Variants in CUL9 observed in about 807,000 individuals in gnomAD.
The protein encoded by CUL9 is cullin 9.
CUL9 carries 79 observed loss-of-function variants against 272.6 expected under a neutral mutation model. That is an observed-to-expected ratio of 0.29 (90% CI 0.24 to 0.35). The LOEUF is 0.35. Among genes scored for constraint, CUL9 ranks in the 10% least tolerant of loss-of-function variants. CUL9 has a pLI of 1.00. For synonymous variants in CUL9, 1,186 were observed against 1,286.5 expected (o/e 0.92, Z 1.67); for missense variants, 2,532 against 3,255.6 (o/e 0.78, Z 5.41).
chr6:43,185,662 TA>T, intron 3 of CUL9, 52 bp downstream of exon 3: 1 of 1,566,122 alleles, frequency 6.4e-7, no homozygotes, highest in South Asian at 1.1e-5. Flanking sequence ...AGACATTATT[TA>T]TGAAAACGTG....
At position 43,213,590 on chromosome 6, in the gene CUL9, G is replaced by A. The variant is rs201863339; in HGVS notation, c.5488+23G>A. The A allele has an allele frequency of 4.3e-6, 7 of 1,611,234 alleles. No individual in the cohort carries two copies. In the East Asian group the frequency reaches 8.9e-5, roughly 21 times the overall value. On this transcript the variant is annotated intron_variant, in intron 28 of 40. Coordinates refer to ENST00000252050, the MANE Select transcript of CUL9 (RefSeq NM_015089.4). The surrounding 1 kb of genome is among the most constrained non-coding windows in gnomAD (Gnocchi z 5.7). ...GGGGTAGGTCATTGGGGGCCGGGCTGAGCCTCTGCTGCTGGTCGGGGGGTC... is the reference window on the plus strand; with the variant it reads ...GGGGTAGGTCATTGGGGGCCGGGCTAAGCCTCTGCTGCTGGTCGGGGGGTC...
chr6:43,203,479 A>G lies in CUL9; in HGVS notation c.3912A>G (p.Pro1304=). The G allele has an allele frequency of 6.2e-7, 1 of 1,614,144 alleles. No homozygotes were observed. Among genetic ancestry groups the G allele is most frequent in the East Asian group, 2.2e-5 (1 of 44,884 alleles). The change falls in exon 19 of 41, where the codon CCA becomes CCG. Residue 1304 remains proline, a synonymous_variant. Transcript: ENST00000252050. This position sits in a 1 kb window ranked among gnomAD's most constrained non-coding sequence, Gnocchi z 5.0. ...EVLGPKPTFW[P]LFREQLCRRT... is the part of the protein sequence containing the mutation. ...TGGGCCCTAAGCCCACATTCTGGCC[A>G]CTGTTCCGGGAGCAGCTGTGTCGCC...
intron 7 of CUL9, 102 bp from the exon 8 acceptor site, chr6:43,188,421 A>G: frequency 1.7e-6 from 2 of 1,147,202 alleles, no homozygotes; most frequent in East Asian, 2.4e-5. Flanking sequence ...GTAGCCGATA[A>G]TGTGTTTAAA....
At chr6:43,193,281 G>A in intron 9 of CUL9, 73 bp downstream of exon 9, 1 of 1,374,202 alleles carries the variant, frequency 7.3e-7, no homozygotes, top group Non-Finnish European at 1.0e-6. Context: ...ATCTTGAGGG[G>A]GTACTTTGGT....
chr6:43,223,667 C>T lies in CUL9; in HGVS notation c.7284+270C>T, dbSNP rs548623836. On this transcript the variant is annotated intron_variant, in intron 39 of 40. Coordinates refer to ENST00000252050, the MANE Select transcript of CUL9 (RefSeq NM_015089.4). The surrounding 1 kb of genome is among the most constrained non-coding windows in gnomAD (Gnocchi z 4.1). ...TTTGGTCAGGTGCCTATCAGAATCACTTGGGGAACTTTTCCAGACTGTACT... is the reference window on the plus strand; with the variant it reads ...TTTGGTCAGGTGCCTATCAGAATCATTTGGGGAACTTTTCCAGACTGTACT... 355 of 543,508 alleles carry T rather than the reference C, an allele frequency of 6.5e-4. No homozygotes were observed. The highest frequency in any genetic ancestry group is 1.1e-3 in the Admixed American group (35 of 32,200). 33.7% of individuals were successfully genotyped at this position (543,508 alleles called of 1,614,324 possible). A position where few individuals can be genotyped will look rare whatever the true frequency, so the allele number is the denominator to read the frequency against.
At chr6:43,202,898 C>A in intron 17 of CUL9, 77 bp downstream of exon 17, 1 of 1,425,890 alleles carries the variant, frequency 7.0e-7, no homozygotes, top group Non-Finnish European at 9.9e-7. Context: ...AGGACCTAGT[C>A]CCTGGGGAAT....
chr6:43,199,206 G>C lies in CUL9; in HGVS notation c.3051-60G>C, dbSNP rs369979278. On this transcript the variant is annotated intron_variant, in intron 12 of 40. Coordinates refer to ENST00000252050, the MANE Select transcript of CUL9 (RefSeq NM_015089.4). The surrounding 1 kb of genome is among the most constrained non-coding windows in gnomAD (Gnocchi z 4.4). ...CCACTTCGGCCTCCCAAAGTGCTGGGATTACAGGCATGAGCCACTGTGCCT... is the reference window on the plus strand; with the variant it reads ...CCACTTCGGCCTCCCAAAGTGCTGGCATTACAGGCATGAGCCACTGTGCCT... 9.3e-6 allele frequency: 13 copies of C among 1,401,122 alleles called. No individual in the cohort carries two copies. The African/African-American group carries it at 1.8e-4, about 20-fold the overall frequency. The allele number at this position is 1,401,122 out of a possible 1,614,324, so 86.8% of individuals were successfully genotyped here. A position where few individuals can be genotyped will look rare whatever the true frequency, so the allele number is the denominator to read the frequency against.
In CUL9 at chr6:43,224,006, G is replaced by C; in HGVS notation, c.7285-89G>C. ...GGGGAGCAGTCCTAGCAGGAGCTTG[G>C]CCCTCCCAGAGCATCAGTGGAAGGA... On this transcript the variant is annotated intron_variant, in intron 39 of 40. Coordinates refer to ENST00000252050, the MANE Select transcript of CUL9 (RefSeq NM_015089.4). This position sits in a 1 kb window ranked among gnomAD's most constrained non-coding sequence, Gnocchi z 4.2. 1 of 1,271,838 alleles carries C rather than the reference G, an allele frequency of 7.9e-7. No individual in the cohort carries two copies. 78.8% of individuals were successfully genotyped at this position (1,271,838 alleles called of 1,614,324 possible). A position where few individuals can be genotyped will look rare whatever the true frequency, so the allele number is the denominator to read the frequency against.
At chr6:43,182,883 C>G (rs1177582899) in intron 1 of CUL9, among the ~76,000 whole-genome samples, 1 of 152,218 alleles carries the variant, frequency 6.6e-6, no homozygotes, top group Non-Finnish European at 1.5e-5. Context: ...TTATTCCACT[C>G]CCATTTATAA....
chr6:43,213,313 T>C lies in CUL9; in HGVS notation c.5358+19T>C. 6.2e-7 allele frequency: 1 copy of C among 1,613,288 alleles called. No individual in the cohort carries two copies. Among genetic ancestry groups the C allele is most frequent in the Non-Finnish European group, 8.5e-7 (1 of 1,179,422 alleles). On this transcript the variant is annotated intron_variant, in intron 27 of 40. Coordinates refer to ENST00000252050, the MANE Select transcript of CUL9 (RefSeq NM_015089.4). This position sits in a 1 kb window ranked among gnomAD's most constrained non-coding sequence, Gnocchi z 5.7. ...GACAGAGGTGCTTCAGCCCTTAGCC[T>C]CTCTCTGCCTTCTCTGCTACCTTAT...
rs370309721 is a variant in CUL9, at chr6:43,187,083, G to A, written c.1375G>A (p.Val459Met). 1.2e-6 allele frequency: 2 copies of A among 1,614,034 alleles called. No homozygotes were observed. Among genetic ancestry groups the A allele is most frequent in the Non-Finnish European group, 1.7e-6 (2 of 1,179,936 alleles). The change falls in exon 5 of 41, where the codon GTG becomes ATG. Residue 459 changes from valine (V) to methionine (M), a missense_variant. Val to Met is a conservative substitution (Grantham distance 21, BLOSUM62 1). Coordinates refer to ENST00000252050, the MANE Select transcript of CUL9 (RefSeq NM_015089.4). ...TGTGGAGAAGGGGGCAGGGGCTACT[G>A]TGTTGGGCACAGGTGAGCCTAAGAG... ...AAVEKGAGAT[V>M]LGTAFPSWDW... is the part of the protein sequence containing the mutation.
intron 8 of CUL9, among the ~76,000 whole-genome samples, chr6:43,192,127 T>C (rs1040600244): frequency 3.3e-4 from 49 of 148,038 alleles, no homozygotes; most frequent in Admixed American, 8.2e-4. Flanking sequence ...AGTGGCATGA[T>C]CACAGCTTGC....
chr6:43,183,737 CCT>C (rs915340192), intron 1 of CUL9, among the ~76,000 whole-genome samples: 21 of 145,034 alleles, frequency 1.4e-4, no homozygotes, highest in Admixed American at 3.4e-4. Context: ...TTCCTTCCTT[CCT>C]CTCTCTCTCT....
At chr6:43,211,422 G>A (rs1775472106) in intron 26 of CUL9, among the ~76,000 whole-genome samples, 2 of 152,164 alleles carry the variant, frequency 1.3e-5, no homozygotes, top group South Asian at 4.1e-4. Context: ...GCCAGGCCTG[G>A]TGGTGCACGC....
At position 43,205,431 on chromosome 6, in the gene CUL9, C is replaced by T. The variant is rs1774970680; in HGVS notation, c.4793+8C>T. 6.2e-7 allele frequency: 1 copy of T among 1,612,638 alleles called. No individual in the cohort carries two copies. Among genetic ancestry groups the T allele is most frequent in the Non-Finnish European group, 8.5e-7 (1 of 1,178,724 alleles). On this transcript the variant is annotated splice_region_variant and intron_variant, in intron 24 of 40. Coordinates refer to ENST00000252050, the MANE Select transcript of CUL9 (RefSeq NM_015089.4). ...TTTTGAGCACTTCTATCAGTGAGTG[C>T]AGGTCTGGAGGCATAGGGGATGGGA...
In CUL9 at chr6:43,187,064, G is replaced by C; in HGVS notation, c.1356G>C (p.Glu452Asp). ...AGGATAAGGCTTCAGCAGCTGTGGA[G>C]AAGGGGGCAGGGGCTACTGTGTTGG... ...ATEDKASAAV[E>D]KGAGATVLGT... is the part of the protein sequence containing the mutation. Residue 452 changes from glutamate (E) to aspartate (D), a missense_variant, in exon 5 of 41, where the codon GAG becomes GAC. Coordinates refer to ENST00000252050, the MANE Select transcript of CUL9 (RefSeq NM_015089.4). 1 of 1,614,110 alleles carries C rather than the reference G, an allele frequency of 6.2e-7. No homozygotes were observed. The highest frequency in any genetic ancestry group is 8.5e-7 in the Non-Finnish European group (1 of 1,179,956).
intron 24 of CUL9, among the ~76,000 whole-genome samples, chr6:43,205,786 G>A (rs867335478): frequency 1.3e-5 from 2 of 150,276 alleles, no homozygotes; most frequent in Admixed American, 6.7e-5. Context: ...CCAAGACCAC[G>A]TCATTGCACT....
intron 26 of CUL9, among the ~76,000 whole-genome samples, chr6:43,209,445 G>A (rs375942413): frequency 2.6e-5 from 4 of 151,914 alleles, no homozygotes; most frequent in African/African-American, 9.7e-5. Flanking sequence ...CACCGTGCCC[G>A]GCCATTCTAA....
In CUL9 at chr6:43,200,352, A is replaced by G; in HGVS notation, c.3385-84A>G. 6.2e-7 allele frequency: 1 copy of G among 1,608,084 alleles called. No individual in the cohort carries two copies. The highest frequency in any genetic ancestry group is 1.1e-5 in the South Asian group (1 of 90,780). On this transcript the variant is annotated intron_variant, in intron 14 of 40. Coordinates refer to ENST00000252050, the MANE Select transcript of CUL9 (RefSeq NM_015089.4). The surrounding 1 kb of genome is among the most constrained non-coding windows in gnomAD (Gnocchi z 4.0). ...GAGTTGAGTATACCGTTGACCCTTG[A>G]CTTTTTCTCTCTACCTGTTTCTGGG...
Sources: allele counts gnomAD v4.1 joint callset (sites outside exome capture counted in the v4.1 genomes callset), GRCh38; gene constraint gnomAD v4.1.1; non-coding constraint Gnocchi (gnomAD v3.1); transcripts MANE v1.5; gene names NCBI Gene and HGNC (gene_info 2026-07-23, HGNC 2026-07-21).